The following RALGPS1 variants were observed in gnomAD, a reference collection of about 807,000 sequenced individuals.
The protein encoded by RALGPS1 is ras-specific guanine nucleotide-releasing factor RalGPS1.
Under a neutral mutation model 78.8 loss-of-function variants are expected in RALGPS1, and 19 were observed. That is an observed-to-expected ratio of 0.24 (90% CI 0.17 to 0.35). The LOEUF is 0.35. Among genes scored for constraint, RALGPS1 ranks in the 10% least tolerant of loss-of-function variants. The probability of loss-of-function intolerance (pLI) is 1.00; values close to 1 mark genes in which losing one functional copy is unlikely to be tolerated. For missense variants in RALGPS1, 454 were observed against 688.3 expected (o/e 0.66, Z 3.81); for synonymous variants, 228 against 256.3 (o/e 0.89, Z 1.06).
At chr9:127,210,708 T>C (rs1296966186) in intron 14 of RALGPS1, 19 of 1,550,516 alleles carry the variant, frequency 1.2e-5, no homozygotes, top group East Asian at 2.4e-5. Context: ...GGGACGTCTC[T>C]ATGCCACCCT....
intron 8 of RALGPS1, among the ~76,000 whole-genome samples, chr9:127,131,485 G>T (rs562993761): frequency 6.6e-6 from 1 of 152,172 alleles, no homozygotes; most frequent in African/African-American, 2.4e-5. Flanking sequence ...ACGTCATTGA[G>T]TTCTCAAAAA....
At chr9:127,128,075 A>C (rs1335325418) in intron 8 of RALGPS1, among the ~76,000 whole-genome samples, 1 of 124,696 alleles carries the variant, frequency 8.0e-6, no homozygotes, top group Non-Finnish European at 1.6e-5. Context: ...TTCAGCTCCC[A>C]CTTATGAATG....
intron 4 of RALGPS1, among the ~76,000 whole-genome samples, chr9:127,028,652 C>G (rs768766898): frequency 6.6e-6 from 1 of 152,194 alleles, no homozygotes; most frequent in Non-Finnish European, 1.5e-5. Context: ...CACTGCTCAG[C>G]GCTGCCTTTC....
intron 4 of RALGPS1, among the ~76,000 whole-genome samples, chr9:127,024,990 T>C (rs1026005016): frequency 2.6e-5 from 4 of 152,238 alleles, no homozygotes; most frequent in East Asian, 1.9e-4. Context: ...TTGTGAAGAA[T>C]GAGTGTTCTC....
At chr9:127,184,451 C>G in intron 11 of RALGPS1, 1 of 215,102 alleles carries the variant, frequency 4.6e-6, no homozygotes, top group Non-Finnish European at 9.4e-6. Flanking sequence ...GTGACCAGCT[C>G]CCAGGCTCCA....
chr9:127,204,864 C>G (rs2061847616), intron 14 of RALGPS1, among the ~76,000 whole-genome samples: 1 of 152,220 alleles, frequency 6.6e-6, no homozygotes, highest in Non-Finnish European at 1.5e-5. Context: ...TTGAGAAGAT[C>G]AGAGGACCCT....
At chr9:127,178,086 A>G in intron 11 of RALGPS1, 1 of 1,303,678 alleles carries the variant, frequency 7.7e-7, no homozygotes, top group Non-Finnish European at 1.0e-6. Context: ...GGCATGGGGA[A>G]GAAGTGTTAC....
Position 127,089,059 on chromosome 9 carries a change from G to A in RALGPS1, c.610+19703G>A, listed in dbSNP as rs139012017. 1,787 of 1,614,188 alleles carry A rather than the reference G, an allele frequency of 1.1e-3. 21 individuals are homozygous for A. The South Asian group carries it at 0.018, about 16-fold the overall frequency. ...GGTAGCGGCTCCGGTAATGGCCCCC[G>A]CGGTACCAGACCCCGTTGAGGTTGG... On this transcript the variant is annotated intron_variant, in intron 8 of 18. Coordinates refer to ENST00000259351, the MANE Select transcript of RALGPS1 (RefSeq NM_014636.3).
intron 1 of RALGPS1, among the ~76,000 whole-genome samples, chr9:126,935,769 A>C (rs982404945): frequency 1.3e-5 from 2 of 152,250 alleles, no homozygotes; most frequent in Admixed American, 6.5e-5. Context: ...GTAATCTCAG[A>C]GATGAGTAAT....
In RALGPS1 at chr9:127,174,703, C is replaced by T; in HGVS notation, c.843-12C>T. On this transcript the variant is annotated splice_polypyrimidine_tract_variant and intron_variant, in intron 10 of 18. Transcript: ENST00000259351. ...AGAGCCCATCTGATCTTATGAAAAT[C>T]TTTGTTTTCAGACTGTCGCTCAGAA... The T allele has an allele frequency of 6.2e-7, 1 of 1,613,578 alleles. No individual in the cohort carries two copies. Among genetic ancestry groups the T allele is most frequent in the South Asian group, 1.1e-5 (1 of 91,054 alleles).
At chr9:127,127,020 C>T (rs1465096613) in intron 8 of RALGPS1, among the ~76,000 whole-genome samples, 2 of 152,192 alleles carry the variant, frequency 1.3e-5, no homozygotes, top group Non-Finnish European at 2.9e-5. Context: ...ATTACTTTGC[C>T]TTCTGTTGTG....
At chr9:127,140,556 C>G (rs1007238778) in intron 8 of RALGPS1, among the ~76,000 whole-genome samples, 3 of 152,196 alleles carry the variant, frequency 2.0e-5, no homozygotes, top group Non-Finnish European at 2.9e-5. Context: ...TCCACCAGGA[C>G]CACCTGGCAG....
rs189921452 is a variant in RALGPS1, at chr9:127,214,667, G to A, written c.1553-84G>A. On this transcript the variant is annotated intron_variant, in intron 17 of 18. Transcript: ENST00000259351. ...GCCGACCTTCCCACTTTAGTTACCC[G>A]TGTTTACATTTCTCTTTATGCCAGT... 5.9e-6 allele frequency: 9 copies of A among 1,529,770 alleles called. No individual in the cohort carries two copies. In the East Asian group the frequency reaches 9.7e-5, roughly 17 times the overall value. 94.8% of individuals were successfully genotyped at this position (1,529,770 alleles called of 1,614,324 possible).
intron 11 of RALGPS1, among the ~76,000 whole-genome samples, chr9:127,182,376 C>CCCTT (rs1289560260): frequency 3.4e-5 from 1 of 29,272 alleles, no homozygotes; most frequent in African/African-American, 1.6e-4. Context: ...CTTCCTCCCT[C>CCCTT]CCTCCCTCCC....
intron 8 of RALGPS1, among the ~76,000 whole-genome samples, chr9:127,103,376 C>T (rs535625423): frequency 6.6e-6 from 1 of 152,292 alleles, no homozygotes; most frequent in East Asian, 1.9e-4. Flanking sequence ...AATGTGGGGA[C>T]CTCCTCATGT....
chr9:127,053,216 G>A (rs117360431), intron 7 of RALGPS1, among the ~76,000 whole-genome samples: 2,341 of 152,284 alleles, frequency 0.015, 33 homozygotes, highest in Middle Eastern at 0.068. Context: ...GACCGGGTCA[G>A]CGGCATGACT....
At chr9:127,037,407 T>C (rs1452344019) in intron 5 of RALGPS1, among the ~76,000 whole-genome samples, 3 of 152,244 alleles carry the variant, frequency 2.0e-5, no homozygotes, top group Non-Finnish European at 4.4e-5. Context: ...TTCATGGAGA[T>C]TGGACAGGGC....
intron 8 of RALGPS1, among the ~76,000 whole-genome samples, chr9:127,156,852 G>A (rs890612898): frequency 3.3e-5 from 5 of 151,776 alleles, no homozygotes; most frequent in Non-Finnish European, 4.4e-5. Flanking sequence ...TCAAGTACTC[G>A]TATTATTTAG....
rs188246768 is a variant in RALGPS1 at position 126,987,714 on chromosome 9, A to G, written c.216+9969A>G. The stretch of plus-strand genomic sequence containing the variant: ...TCACTGCCCCTGCCAACATTGTTCC[A>G]TCCCCACTGTCAGATTTCCCAGTAG... On this transcript the variant is annotated intron_variant, in intron 4 of 18. Transcript: ENST00000259351. Among the ~76,000 whole-genome samples, 570 of 152,264 alleles carry G rather than the reference A, an allele frequency of 3.7e-3. 2 individuals are homozygous for G. The highest frequency in any genetic ancestry group is 6.6e-3 in the Non-Finnish European group (452 of 68,008).
Sources: allele counts gnomAD v4.1 joint callset (sites outside exome capture counted in the v4.1 genomes callset), GRCh38; gene constraint gnomAD v4.1.1; transcripts MANE v1.5; gene names NCBI Gene and HGNC (gene_info 2026-07-23, HGNC 2026-07-21).